PCDHA6: variants seen among roughly 807,000 people sequenced by gnomAD.
PCDHA6 encodes protocadherin alpha-6.
PCDHA6 carries 55 observed loss-of-function variants against 60.3 expected under a neutral mutation model. That is an observed-to-expected ratio of 0.91 (90% confidence interval 0.73 to 1.14). PCDHA6 has a LOEUF of 1.14. PCDHA6 is among the 50% of genes most tolerant of loss of function. PCDHA6 has a pLI of 0.00. For missense variants in PCDHA6, 1,327 were observed against 1,256.5 expected (o/e 1.06, Z -0.85); for synonymous variants, 652 against 557.9 (o/e 1.17, Z -2.38).
chr5:140,972,398 A>G (rs2096535021), intron 1 of PCDHA6, among the ~76,000 whole-genome samples: 1 of 151,358 alleles, frequency 6.6e-6, no homozygotes, highest in Non-Finnish European at 1.5e-5. Flanking sequence ...TTGCTTCACT[A>G]TTGGCAAACC....
intron 1 of PCDHA6, among the ~76,000 whole-genome samples, chr5:140,936,899 A>G (rs2091202352): frequency 6.6e-6 from 1 of 152,188 alleles, no homozygotes; most frequent in South Asian, 2.1e-4. Context: ...AATTGGCACT[A>G]TATTGAATCT....
rs191873949 is a variant in PCDHA6 at position 140,855,986 on chromosome 5, G to T, written c.2394+25501G>T. On this transcript the variant is annotated intron_variant, in intron 1 of 3. Transcript: ENST00000529310. ...AGATATAAGAAATAGGACAGAAAATGTCAGATCGTATGTGCGTTCTAGACC... is the reference window on the plus strand; with the variant it reads ...AGATATAAGAAATAGGACAGAAAATTTCAGATCGTATGTGCGTTCTAGACC... The T allele has an allele frequency of 1.8e-5, 27 of 1,477,576 alleles. 1 individual carries two copies. Among genetic ancestry groups the T allele is most frequent in the South Asian group, 1.6e-4 (12 of 75,402 alleles). The allele number at this position is 1,477,576 out of a possible 1,614,324, so 91.5% of individuals were successfully genotyped here. A position where few individuals can be genotyped will look rare whatever the true frequency, so the allele number is the denominator to read the frequency against.
chr5:140,897,923 G>A (rs371929339), intron 1 of PCDHA6, among the ~76,000 whole-genome samples: 11 of 152,078 alleles, frequency 7.2e-5, no homozygotes, highest in East Asian at 5.8e-4. Flanking sequence ...TTTGATTTGC[G>A]TTTCTCTGAT....
chr5:140,938,406 T>A (rs1283027205), intron 1 of PCDHA6, among the ~76,000 whole-genome samples: 1 of 152,240 alleles, frequency 6.6e-6, no homozygotes, highest in African/African-American at 2.4e-5. Context: ...ATTGTTTGAT[T>A]GGGTTTATTT....
At chr5:140,858,413 A>T (rs150984635) in intron 1 of PCDHA6, 1 of 1,562,352 alleles carries the variant, frequency 6.4e-7, no homozygotes. Flanking sequence ...AGATCAGTCT[A>T]TTGGAGGGGA....
intron 1 of PCDHA6, chr5:140,876,746 T>C (rs1411489174): frequency 3.7e-6 from 6 of 1,614,098 alleles, no homozygotes; most frequent in Admixed American, 3.3e-5. Flanking sequence ...GAGCTGGTGG[T>C]GACTGCGCGG....
intron 1 of PCDHA6, chr5:140,875,686 G>A: frequency 6.2e-7 from 1 of 1,613,582 alleles, no homozygotes; most frequent in Non-Finnish European, 8.5e-7. Flanking sequence ...CAAAAGACAC[G>A]GGGACCTTCT....
Position 140,925,562 on chromosome 5 carries a change from G to A in PCDHA6, c.2395-53387G>A, listed in dbSNP as rs28620116. On this transcript the variant is annotated intron_variant, in intron 1 of 3. Transcript: ENST00000529310. ...ACCTAATGTAAATGACAAGTTAATG[G>A]GTGCAGCACACCAACATGGCGCATG... 5.5e-3 allele frequency among the ~76,000 whole-genome samples: 841 copies of A among 151,670 alleles called. 7 individuals carry two copies. The highest frequency in any genetic ancestry group is 0.018 in the African/African-American group (764 of 41,334).
chr5:140,939,729 G>A (rs1376988004), intron 1 of PCDHA6, among the ~76,000 whole-genome samples: 16 of 152,166 alleles, frequency 1.1e-4, no homozygotes, highest in Admixed American at 1.0e-3. Context: ...ATTGTTGTGT[G>A]TAGCTGTGTA....
intron 1 of PCDHA6, chr5:140,875,542 T>A: frequency 6.2e-7 from 1 of 1,614,134 alleles, no homozygotes; most frequent in Non-Finnish European, 8.5e-7. Flanking sequence ...CCTTGCAGCC[T>A]GGGAGGTGGG....
At chr5:140,988,467 A>T (rs1245281936) in intron 3 of PCDHA6, among the ~76,000 whole-genome samples, 12 of 152,242 alleles carry the variant, frequency 7.9e-5, no homozygotes, top group African/African-American at 2.4e-4. Flanking sequence ...AGGGTGTGGG[A>T]AGGGGAATTA....
rs147962839 is a variant in PCDHA6 at position 140,828,760 on chromosome 5, A to T, written c.669A>T (p.Thr223=). ...CAGATGGGGGCAAACCTGAGCTCAC[A>T]GGCACTGTTCAGCTGCTGGTCACAG... ...TATDGGKPEL[T]GTVQLLVTVL... Residue 223 remains threonine, a synonymous_variant, in exon 1 of 4, where the codon ACA becomes ACT. Coordinates refer to ENST00000529310, the MANE Select transcript of PCDHA6 (RefSeq NM_018909.4). The T allele has an allele frequency of 5.1e-5, 83 of 1,614,194 alleles. No homozygotes were observed. The African/African-American group carries it at 7.9e-4, about 15-fold the overall frequency.
intron 1 of PCDHA6, among the ~76,000 whole-genome samples, chr5:140,975,450 G>T (rs1175028711): frequency 6.6e-6 from 1 of 152,174 alleles, no homozygotes. Context: ...AGGGATCTTG[G>T]GGCCATCTTG....
chr5:140,883,336 A>G, intron 1 of PCDHA6: 1 of 1,613,866 alleles, frequency 6.2e-7, no homozygotes, highest in Non-Finnish European at 8.5e-7. Flanking sequence ...CTTCTTTGTC[A>G]CTCCCCATCA....
chr5:140,882,024 G>A lies in PCDHA6; in HGVS notation c.2394+51539G>A, dbSNP rs4151690. On this transcript the variant is annotated intron_variant, in intron 1 of 3. Transcript: ENST00000529310. ...AGGGGCAAAAAAATACTACATCAAT[G>A]GAAAATATGAAGACTGAGTCATACT... is the stretch of plus-strand genomic sequence containing the variant. 118 of 580,388 alleles carry A rather than the reference G, an allele frequency of 2.0e-4. 2 individuals carry two copies. The highest frequency in any genetic ancestry group is 1.6e-3 in the East Asian group (53 of 32,696). The allele number at this position is 580,388 out of a possible 1,614,324, so 36.0% of individuals were successfully genotyped here. A position where few individuals can be genotyped will look rare whatever the true frequency, so the allele number is the denominator to read the frequency against.
At chr5:140,933,692 C>T (rs2089349269) in intron 1 of PCDHA6, among the ~76,000 whole-genome samples, 1 of 151,798 alleles carries the variant, frequency 6.6e-6, no homozygotes, top group African/African-American at 2.4e-5. Context: ...TTTCCTATTC[C>T]TCGGACACAT....
chr5:140,973,406 T>C (rs1205127002), intron 1 of PCDHA6, among the ~76,000 whole-genome samples: 1 of 152,240 alleles, frequency 6.6e-6, no homozygotes, highest in Non-Finnish European at 1.5e-5. Flanking sequence ...ATCTATGAGC[T>C]TCCACTCCAG....
intron 2 of PCDHA6, chr5:140,982,257 G>A: frequency 1.2e-6 from 1 of 804,182 alleles, no homozygotes; most frequent in Admixed American, 3.3e-5. Context: ...TAGAACATGT[G>A]TGTTCCTGGA....
At chr5:140,836,762 C>T (rs2150269461) in intron 1 of PCDHA6, 3 of 1,567,656 alleles carry the variant, frequency 1.9e-6, no homozygotes, top group Non-Finnish European at 2.6e-6. Context: ...AATCTTGTTT[C>T]CAACAATTTT....
Sources: allele counts gnomAD v4.1 joint callset (sites outside exome capture counted in the v4.1 genomes callset), GRCh38; gene constraint gnomAD v4.1.1; transcripts MANE v1.5; gene names NCBI Gene and HGNC (gene_info 2026-07-23, HGNC 2026-07-21).